C12orf54: variants seen among roughly 807,000 people sequenced by gnomAD.
C12orf54 encodes the protein uncharacterized protein C12orf54.
Under a neutral mutation model 26.4 loss-of-function variants are expected in C12orf54, and 24 were observed. The observed-to-expected ratio is 0.91, with a 90% CI of 0.66 to 1.28. The LOEUF is 1.28. Among genes scored for constraint, C12orf54 ranks in the 50% most tolerant of loss-of-function variants. C12orf54 has a pLI of 0.00. For missense variants in C12orf54, 154 were observed against 150.9 expected, an observed-to-expected ratio of 1.02 and a Z score of -0.11; for synonymous variants, 54 against 47.0, an observed-to-expected ratio of 1.15 and a Z score of -0.61.
chr12:48,469,869 C>A, the C12orf54 span, among the ~76,000 whole-genome samples: 1 of 152,112 alleles, frequency 6.6e-6, no homozygotes, highest in African/African-American at 2.4e-5. Context: ...CTCTAGTTGT[C>A]CCCAACATCT....
chr12:48,483,932 G>C (rs1954228487), intron 2 of C12orf54, among the ~76,000 whole-genome samples: 1 of 152,194 alleles, frequency 6.6e-6, no homozygotes, highest in African/African-American at 2.4e-5. Flanking sequence ...AGTGCCTCAT[G>C]CCTGTAATCC....
the C12orf54 span, among the ~76,000 whole-genome samples, chr12:48,434,451 G>A: frequency 1.3e-5 from 2 of 152,184 alleles, no homozygotes; most frequent in African/African-American, 2.4e-5. Flanking sequence ...TCTGAGAATG[G>A]GCAGACTGCC....
intron 5 of C12orf54, among the ~76,000 whole-genome samples, chr12:48,489,725 A>ATT (rs34855520): frequency 2.9e-5 from 4 of 138,848 alleles, no homozygotes; most frequent in South Asian, 2.3e-4. Flanking sequence ...CCTAAGAAGG[A>ATT]TTTTTTTTTT....
intron 5 of C12orf54, 59 bp downstream of exon 5, chr12:48,489,015 T>G: frequency 6.5e-7 from 1 of 1,528,216 alleles, no homozygotes; most frequent in Non-Finnish European, 9.0e-7. Flanking sequence ...TTGATCCCAT[T>G]TTTTTTCTTA....
At chr12:48,427,261 T>C in the C12orf54 span, among the ~76,000 whole-genome samples, 2 of 152,098 alleles carry the variant, frequency 1.3e-5, no homozygotes, top group African/African-American at 4.8e-5. Flanking sequence ...ATTTGATACC[T>C]AGTTTATTGA....
chr12:48,494,939 A>T lies in C12orf54; in HGVS notation c.384A>T (p.Ter128TyrextTer77). 1 of 1,612,634 alleles carries T rather than the reference A, an allele frequency of 6.2e-7. No individual in the cohort carries two copies. Among genetic ancestry groups the T allele is most frequent in the Non-Finnish European group, 8.5e-7 (1 of 1,178,950 alleles). The change falls in exon 8 of 9, where the codon TAA (stop) becomes TAT (tyrosine). Residue 128 changes from the stop codon to tyrosine (Y), a stop_lost. Transcript: ENST00000548364. ...FSQSAYYPGP[*>Y] is the part of the protein sequence containing the mutation. ...AATCAGCTTACTACCCTGGACCCTA[A>T]CTCTACAATCAAGGAAGAAGGACAT...
chr12:48,474,121 A>C, the C12orf54 span, among the ~76,000 whole-genome samples: 1 of 152,218 alleles, frequency 6.6e-6, no homozygotes, highest in Admixed American at 6.5e-5. Flanking sequence ...ACAAACCCTC[A>C]AACTTCAACT....
chr12:48,460,743 A>G, the C12orf54 span, among the ~76,000 whole-genome samples: 5 of 152,170 alleles, frequency 3.3e-5, no homozygotes, highest in African/African-American at 1.2e-4. Flanking sequence ...TAAGTTAAAG[A>G]TATAAGCTAT....
chr12:48,428,345 CA>C, the C12orf54 span, among the ~76,000 whole-genome samples: 48,359 of 146,474 alleles, frequency 0.33, 8,192 homozygotes, highest in African/African-American at 0.37. Flanking sequence ...GAAATTGAAA[CA>C]AAAAAAAAAT....
chr12:48,421,460 C>T, the C12orf54 span, among the ~76,000 whole-genome samples: 1,683 of 142,212 alleles, frequency 0.012, 14 homozygotes, highest in Non-Finnish European at 0.019. Context: ...TACAGTTGAA[C>T]ATGAGATGAG....
At chr12:48,431,394 T>C in the C12orf54 span, among the ~76,000 whole-genome samples, 2 of 152,216 alleles carry the variant, frequency 1.3e-5, no homozygotes, top group Non-Finnish European at 2.9e-5. Flanking sequence ...CTTTGCTGTA[T>C]GTTGGAAACT....
At chr12:48,446,317 C>T in the C12orf54 span, among the ~76,000 whole-genome samples, 3 of 152,178 alleles carry the variant, frequency 2.0e-5, no homozygotes, top group Non-Finnish European at 4.4e-5. Flanking sequence ...CATTTTTGCT[C>T]TTATGCTGTA....
the C12orf54 span, among the ~76,000 whole-genome samples, chr12:48,418,416 G>A: frequency 7.3e-3 from 1,113 of 152,276 alleles, 20 homozygotes; most frequent in African/African-American, 0.026. Context: ...GGTCATTGTT[G>A]TGTGATTTTT....
the C12orf54 span, among the ~76,000 whole-genome samples, chr12:48,423,364 G>A: frequency 6.6e-6 from 1 of 151,978 alleles, no homozygotes; most frequent in Admixed American, 6.6e-5. Context: ...AATACTACAG[G>A]AAAGAGATAA....
At chr12:48,488,328 C>A (rs1166645041) in intron 4 of C12orf54, 19 of 536,752 alleles carry the variant, frequency 3.5e-5, no homozygotes, top group Non-Finnish European at 5.9e-5. Flanking sequence ...TACCTACAGA[C>A]AGAATGCTGT....
At chr12:48,468,123 G>A in the C12orf54 span, among the ~76,000 whole-genome samples, 1 of 152,170 alleles carries the variant, frequency 6.6e-6, no homozygotes, top group Non-Finnish European at 1.5e-5. Context: ...CATTCCATGA[G>A]ATGAATCAGA....
chr12:48,458,530 C>T, the C12orf54 span, among the ~76,000 whole-genome samples: 1 of 152,186 alleles, frequency 6.6e-6, no homozygotes, highest in Non-Finnish European at 1.5e-5. Context: ...CTCACCCAAA[C>T]GTTACTGTTA....
At chr12:48,471,406 T>A in the C12orf54 span, among the ~76,000 whole-genome samples, 2 of 152,112 alleles carry the variant, frequency 1.3e-5, no homozygotes, top group African/African-American at 4.8e-5. Context: ...AACATAGGAG[T>A]GCAGATATCT....
At chr12:48,478,472 A>G (rs1226420092), upstream of C12orf54, among the ~76,000 whole-genome samples, 1 of 152,242 alleles carries the variant, frequency 6.6e-6, no homozygotes, top group Non-Finnish European at 1.5e-5. Flanking sequence ...CTGTTTGCAG[A>G]TGACATGTTT....
Sources: allele counts gnomAD v4.1 joint callset (sites outside exome capture counted in the v4.1 genomes callset), GRCh38; gene constraint gnomAD v4.1.1; transcripts MANE v1.5; gene names NCBI Gene and HGNC (gene_info 2026-07-23, HGNC 2026-07-21).